DNAJC11: variants seen among roughly 807,000 people sequenced by gnomAD.
DNAJC11 encodes DnaJ heat shock protein family (Hsp40) member C11, also known as dnaJ homolog subfamily C member 11.
In DNAJC11, 15 loss-of-function variants were observed where a neutral mutation model predicts 78.6. That is an observed-to-expected ratio of 0.19 (90% CI 0.13 to 0.29). The LOEUF is 0.29. Among genes scored for constraint, DNAJC11 ranks in the 10% least tolerant of loss-of-function variants. DNAJC11 has a pLI of 1.00. For missense variants in DNAJC11, 547 were observed against 709.6 expected (o/e 0.77, Z 2.60); for synonymous variants, 292 against 272.1 (o/e 1.07, Z -0.72).
rs540340203 is a variant in DNAJC11, at chr1:6,690,657, G to A, written c.73-9620C>T. 1.4e-4 allele frequency among the ~76,000 whole-genome samples: 21 copies of A among 152,338 alleles called. No individual in the cohort carries two copies. The East Asian group carries it at 3.3e-3, about 24-fold the overall frequency. ...ACCCCTGAATTGCCTGGGCGTGGTG[G>A]CTCACGCCTGTAATCCCAGCACTTT... On this transcript the variant is annotated intron_variant, in intron 1 of 15. Transcript: ENST00000377577.
chr1:6,698,643 T>A (rs1245839922), intron 1 of DNAJC11, among the ~76,000 whole-genome samples: 1 of 150,000 alleles, frequency 6.7e-6, no homozygotes, highest in Non-Finnish European at 1.5e-5. Flanking sequence ...AAAAAAAAAA[T>A]TTAAGAAATA....
chr1:6,640,158 C>T (rs758022138), intron 10 of DNAJC11, 101 bp from the exon 11 acceptor site: 26 of 1,376,006 alleles, frequency 1.9e-5, no homozygotes, highest in Admixed American at 2.8e-5. Flanking sequence ...ACTTGTGCTG[C>T]GTGCAGCTGC....
rs1641850627 is a variant in DNAJC11 at position 6,640,048 on chromosome 1, C to T, written c.1107G>A (p.Arg369=). The change falls in exon 11 of 16, where the codon AGG becomes AGA. Residue 369 remains arginine, a synonymous_variant. Coordinates refer to ENST00000377577, the MANE Select transcript of DNAJC11 (RefSeq NM_018198.4). The part of the protein sequence containing the change: ...QGVSLKVKLN[R]ASQTYFFPIH... ...TAGGGAAGAAGTATGTCTGACTGGC[C>T]CTGTTGAGCCTGGGGAAAAATACAA... 1.3e-6 allele frequency: 2 copies of T among 1,564,870 alleles called. No homozygotes were observed. The highest frequency in any genetic ancestry group is 2.4e-5 in the South Asian group (2 of 83,402).
intron 4 of DNAJC11, among the ~76,000 whole-genome samples, chr1:6,660,305 C>T (rs1053484402): frequency 2.0e-5 from 3 of 151,584 alleles, no homozygotes; most frequent in East Asian, 2.0e-4. Flanking sequence ...TACAGGAGCA[C>T]GTCACCAAGC....
At chr1:6,638,455 C>G in intron 11 of DNAJC11, 91 bp from the exon 12 acceptor site, 1 of 1,253,308 alleles carries the variant, frequency 8.0e-7, no homozygotes, top group Non-Finnish European at 1.1e-6. Flanking sequence ...CCGAGCCCAG[C>G]AAACAGTCTG....
At chr1:6,659,119 T>C (rs941766450) in intron 4 of DNAJC11, among the ~76,000 whole-genome samples, 1 of 152,226 alleles carries the variant, frequency 6.6e-6, no homozygotes, top group East Asian at 1.9e-4. Context: ...ATGTTCCTTA[T>C]ATTAACCCCA....
Position 6,640,070 on chromosome 1 carries a change from A to G in DNAJC11, c.1098-13T>C. ...GGCCCTGTTGAGCCTGGGGAAAAATACAAAAAAAAAAAAAAAAAAGCCAAG... is the reference window on the plus strand; with the variant it reads ...GGCCCTGTTGAGCCTGGGGAAAAATGCAAAAAAAAAAAAAAAAAAGCCAAG... On this transcript the variant is annotated splice_polypyrimidine_tract_variant and intron_variant, in intron 10 of 15. Transcript: ENST00000377577. The G allele has an allele frequency of 6.8e-7, 1 of 1,460,208 alleles. No individual in the cohort carries two copies. The highest frequency in any genetic ancestry group is 9.1e-7 in the Non-Finnish European group (1 of 1,104,172). The allele number at this position is 1,460,208 out of a possible 1,614,324, so 90.5% of individuals were successfully genotyped here.
chr1:6,646,609 A>C (rs1641970355), intron 7 of DNAJC11, among the ~76,000 whole-genome samples: 1 of 152,212 alleles, frequency 6.6e-6, no homozygotes, highest in Non-Finnish European at 1.5e-5. Context: ...GCTGGGTACT[A>C]GTGACAGAAA....
intron 1 of DNAJC11, among the ~76,000 whole-genome samples, chr1:6,697,936 G>A (rs1247467955): frequency 6.6e-6 from 1 of 151,756 alleles, no homozygotes; most frequent in Non-Finnish European, 1.5e-5. Flanking sequence ...TCCTACAGGC[G>A]CCCGCCACCA....
intron 3 of DNAJC11, among the ~76,000 whole-genome samples, chr1:6,675,647 T>C (rs1267947006): frequency 6.6e-6 from 1 of 152,176 alleles, no homozygotes; most frequent in Non-Finnish European, 1.5e-5. Flanking sequence ...GGTCTCGAAC[T>C]CCTGAGCTCA....
Position 6,680,868 on chromosome 1 carries a change from G to A in DNAJC11, c.202+40C>T, listed in dbSNP as rs2147878985. On this transcript the variant is annotated intron_variant, in intron 2 of 15. Transcript: ENST00000377577. The surrounding 1 kb of genome is among the most constrained non-coding windows in gnomAD (Gnocchi z 4.0). ...CGCACCTCCTAAAAATCGAATATCT[G>A]TTACCAGGATGTTTCTACAAAGTCC... is the stretch of plus-strand genomic sequence containing the variant. 4.4e-6 allele frequency: 7 copies of A among 1,603,320 alleles called. No individual in the cohort carries two copies. Among genetic ancestry groups the A allele is most frequent in the Non-Finnish European group, 6.0e-6 (7 of 1,172,656 alleles).
intron 7 of DNAJC11, among the ~76,000 whole-genome samples, chr1:6,646,184 G>A (rs981599984): frequency 1.1e-4 from 16 of 151,916 alleles, no homozygotes; most frequent in Non-Finnish European, 1.9e-4. Context: ...GTAACCTCCC[G>A]ACTCCCCTCA....
chr1:6,662,257 G>A (rs1230641645), intron 4 of DNAJC11, among the ~76,000 whole-genome samples: 2 of 151,674 alleles, frequency 1.3e-5, no homozygotes, highest in Non-Finnish European at 2.9e-5. Context: ...GCAGTGGCGC[G>A]ATCTCGGCTC....
chr1:6,683,653 T>C (rs182989365), intron 1 of DNAJC11, among the ~76,000 whole-genome samples: 41 of 152,338 alleles, frequency 2.7e-4, no homozygotes, highest in African/African-American at 8.9e-4. Flanking sequence ...AATTCAGTTG[T>C]GGTATCTTTT....
In DNAJC11 at chr1:6,653,515, C is replaced by A. The variant is rs910051500; in HGVS notation, c.507+396G>T. Among the ~76,000 whole-genome samples, 1 of 152,224 alleles carries A rather than the reference C, an allele frequency of 6.6e-6. No homozygotes were observed. The highest frequency in any genetic ancestry group is 1.5e-5 in the Non-Finnish European group (1 of 68,038). On this transcript the variant is annotated intron_variant, in intron 5 of 15. Coordinates refer to ENST00000377577, the MANE Select transcript of DNAJC11 (RefSeq NM_018198.4). The surrounding 1 kb of genome is among the most constrained non-coding windows in gnomAD (Gnocchi z 4.5). ...TGGTGACATTTTCGCGTGCCCAGGG[C>A]TCAGGATGAGAGCTGCTATAGCCTT...
chr1:6,687,212 A>G (rs974944329), intron 1 of DNAJC11, among the ~76,000 whole-genome samples: 21 of 152,150 alleles, frequency 1.4e-4, no homozygotes, highest in African/African-American at 4.8e-4. Context: ...GTAGATACTG[A>G]TTATACTAAG....
Position 6,634,583 on chromosome 1 carries a change from G to A in DNAJC11, c.*1092C>T, listed in dbSNP as rs1274405322. ...GGGTCAGCAAGAGCAACTGATGGCT[G>A]CCACTTCCAGGCCCCGAGAGACAGG... On this transcript the variant is annotated 3_prime_UTR_variant, in exon 16 of 16. Coordinates refer to ENST00000377577, the MANE Select transcript of DNAJC11 (RefSeq NM_018198.4). 2 of 1,365,842 alleles carry A rather than the reference G, an allele frequency of 1.5e-6. No homozygotes were observed. Among genetic ancestry groups the A allele is most frequent in the Non-Finnish European group, 2.0e-6 (2 of 1,021,740 alleles). The allele number at this position is 1,365,842 out of a possible 1,614,324, so 84.6% of individuals were successfully genotyped here. A position where few individuals can be genotyped will look rare whatever the true frequency, so the allele number is the denominator to read the frequency against.
chr1:6,644,498 A>T, intron 10 of DNAJC11, 60 bp downstream of exon 10: 1 of 1,221,014 alleles, frequency 8.2e-7, no homozygotes, highest in Non-Finnish European at 1.2e-6. Flanking sequence ...ACTTGGGTAA[A>T]GCCTGGTTGA....
chr1:6,697,716 T>A (rs566043526), intron 1 of DNAJC11, among the ~76,000 whole-genome samples: 1 of 152,226 alleles, frequency 6.6e-6, no homozygotes, highest in South Asian at 2.1e-4. Flanking sequence ...TTTAAGGGGA[T>A]ATTTTAAAGT....
Sources: allele counts gnomAD v4.1 joint callset (sites outside exome capture counted in the v4.1 genomes callset), GRCh38; gene constraint gnomAD v4.1.1; non-coding constraint Gnocchi (gnomAD v3.1); transcripts MANE v1.5; gene names NCBI Gene and HGNC (gene_info 2026-07-23, HGNC 2026-07-21).